Variants in C5AR1 observed in about 807,000 individuals in gnomAD.
C5AR1 encodes the protein C5a anaphylatoxin chemotactic receptor 1.
A neutral mutation model predicts 2.4 loss-of-function variants in C5AR1; 4 were observed. That is an observed-to-expected ratio of 1.65 (90% CI 0.81 to 3.77). The LOEUF is 3.77. Ranked by LOEUF, C5AR1 falls within the 30% of genes most tolerant of loss-of-function variation. The probability of loss-of-function intolerance (pLI) is 0.01; values close to 1 mark genes in which losing one functional copy is unlikely to be tolerated. For missense variants in C5AR1, 418 were observed against 462.5 expected, an observed-to-expected ratio of 0.90 and a Z score of 0.88; for synonymous variants, 209 against 210.4, an observed-to-expected ratio of 0.99 and a Z score of 0.06.
chr19:47,308,265 G>A (rs1311816818), upstream of C5AR1, among the ~76,000 whole-genome samples: 1 of 149,964 alleles, frequency 6.7e-6, no homozygotes, highest in Admixed American at 6.7e-5. Context: ...AACAGCGCAT[G>A]TGAGGGATCT....
chr19:47,316,223 G>T (rs966304219), intron 1 of C5AR1, among the ~76,000 whole-genome samples: 1 of 152,000 alleles, frequency 6.6e-6, no homozygotes, highest in African/African-American at 2.4e-5. Flanking sequence ...GGCCAGGCTG[G>T]TCTTGATCTT....
At chr19:47,315,378 CT>C (rs2059283653) in intron 1 of C5AR1, among the ~76,000 whole-genome samples, 2 of 152,244 alleles carry the variant, frequency 1.3e-5, no homozygotes, top group African/African-American at 2.4e-5. Flanking sequence ...CGTATTTTTT[CT>C]GCCTTTCTGA....
intron 1 of C5AR1, among the ~76,000 whole-genome samples, chr19:47,314,270 G>T (rs1196555888): frequency 6.6e-6 from 1 of 152,230 alleles, no homozygotes; most frequent in Non-Finnish European, 1.5e-5. Context: ...CACCTGGGAA[G>T]CACATGGAAT....
intron 1 of C5AR1, among the ~76,000 whole-genome samples, chr19:47,319,095 A>G (rs1284798034): frequency 6.6e-6 from 1 of 151,152 alleles, no homozygotes; most frequent in Non-Finnish European, 1.5e-5. Context: ...TACATTGGTC[A>G]GGCTGATCTT....
intron 1 of C5AR1, among the ~76,000 whole-genome samples, chr19:47,319,517 CA>C (rs2059301053): frequency 6.6e-6 from 1 of 151,166 alleles, no homozygotes; most frequent in African/African-American, 2.4e-5. Flanking sequence ...CCATGTTGCC[CA>C]GGCTATTCTC....
At chr19:47,310,073 C>G (rs990195610) in intron 1 of C5AR1, among the ~76,000 whole-genome samples, 175 bp downstream of exon 1, 2 of 152,154 alleles carry the variant, frequency 1.3e-5, no homozygotes, top group African/African-American at 4.8e-5. Flanking sequence ...ATCCCAGGCT[C>G]TCACACTCCA....
chr19:47,315,341 C>A (rs778186758), intron 1 of C5AR1, among the ~76,000 whole-genome samples: 5 of 152,128 alleles, frequency 3.3e-5, no homozygotes, highest in Non-Finnish European at 7.3e-5. Flanking sequence ...TCTGAAGATC[C>A]CGGAAACCAC....
chr19:47,320,258 T>C lies in C5AR1; in HGVS notation c.481T>C (p.Trp161Arg). 2.5e-6 allele frequency: 4 copies of C among 1,613,802 alleles called. No individual in the cohort carries two copies. The highest frequency in any genetic ancestry group is 3.4e-6 in the Non-Finnish European group (4 of 1,180,002). The change falls in exon 2 of 2, where the codon TGG becomes CGG. Residue 161 changes from tryptophan to arginine, a missense_variant. By Grantham distance (101) the Trp-to-Arg change is moderately radical (BLOSUM62 -3). Coordinates refer to ENST00000355085, the MANE Select transcript of C5AR1 (RefSeq NM_001736.4). This position sits in a 1 kb window ranked among gnomAD's most constrained non-coding sequence, Gnocchi z 4.9. ...GLAWIACAVA[W>R]GLALLLTIPS... Reference sequence around the variant, plus strand: ...GGCCTGGATCGCCTGTGCCGTGGCTTGGGGTTTAGCCCTGCTGCTGACCAT... The same window carrying C: ...GGCCTGGATCGCCTGTGCCGTGGCTCGGGGTTTAGCCCTGCTGCTGACCAT...
Position 47,320,666 on chromosome 19 carries a change from C to G in C5AR1, c.889C>G (p.Pro297Ala). 3 of 1,614,156 alleles carry G rather than the reference C, an allele frequency of 1.9e-6. No individual in the cohort carries two copies. The highest frequency in any genetic ancestry group is 1.1e-5 in the South Asian group (1 of 91,084). ...TGCCTACATCAACTGCTGCATCAAC[C>G]CCATCATCTACGTGGTGGCCGGCCA... Reference protein sequence around the residue: ...SFAYINCCINPIIYVVAGQGF... With the variant: ...SFAYINCCINAIIYVVAGQGF... The change falls in exon 2 of 2, where the codon CCC (proline) becomes GCC (alanine). Residue 297 changes from proline to alanine, a missense_variant. Pro to Ala is a conservative substitution (Grantham distance 27, BLOSUM62 -1). Transcript: ENST00000355085. This position sits in a 1 kb window ranked among gnomAD's most constrained non-coding sequence, Gnocchi z 4.9.
chr19:47,317,844 G>T (rs1333906267), intron 1 of C5AR1, among the ~76,000 whole-genome samples: 1 of 151,812 alleles, frequency 6.6e-6, no homozygotes, highest in Non-Finnish European at 1.5e-5. Flanking sequence ...AGCAGGGTGT[G>T]GTGGCAGGTG....
intron 1 of C5AR1, among the ~76,000 whole-genome samples, chr19:47,312,946 T>C (rs1273977231): frequency 2.0e-5 from 3 of 152,140 alleles, no homozygotes; most frequent in Non-Finnish European, 4.4e-5. Context: ...TCCCCTTCAA[T>C]GGAAATTTAG....
At chr19:47,309,803 A>G, upstream of C5AR1, 1 of 1,397,468 alleles carries the variant, frequency 7.2e-7, no homozygotes, top group East Asian at 2.4e-5. Flanking sequence ...AAAGACGGTC[A>G]TTTCCTCCCT....
At chr19:47,311,721 C>T (rs757321520) in intron 1 of C5AR1, among the ~76,000 whole-genome samples, 1 of 152,088 alleles carries the variant, frequency 6.6e-6, no homozygotes, top group East Asian at 2.0e-4. Context: ...TGCGCCACCA[C>T]GCCTGGCTAA....
chr19:47,309,169 G>A (rs551175958), upstream of C5AR1, among the ~76,000 whole-genome samples: 25 of 152,272 alleles, frequency 1.6e-4, no homozygotes, highest in African/African-American at 5.8e-4. Flanking sequence ...GCCTGGCCGG[G>A]AGGCTGAGTG....
rs534900562 is a variant in C5AR1, at chr19:47,314,974, G to A, written c.4-4807G>A. Among the ~76,000 whole-genome samples the A allele has an allele frequency of 2.6e-5, 4 of 151,942 alleles. No individual in the cohort carries two copies. The South Asian group carries it at 6.3e-4, about 24-fold the overall frequency. On this transcript the variant is annotated intron_variant, in intron 1 of 1. Transcript: ENST00000355085. ...CTCCCAAAGTGCTGGGATTACAGGCGTGAGCCACCACGCCTGGCCTCACCC... is the reference window on the plus strand; with the variant it reads ...CTCCCAAAGTGCTGGGATTACAGGCATGAGCCACCACGCCTGGCCTCACCC...
In C5AR1 at chr19:47,320,753, G is replaced by A. The variant is rs541785270; in HGVS notation, c.976G>A (p.Glu326Lys). 1 of 1,614,132 alleles carries A rather than the reference G, an allele frequency of 6.2e-7. No individual in the cohort carries two copies. The highest frequency in any genetic ancestry group is 1.1e-5 in the South Asian group (1 of 91,082). Residue 326 changes from glutamate (E) to lysine (K), a missense_variant, in exon 2 of 2, where the codon GAG becomes AAG. Physicochemically the swap from Glu to Lys is moderately conservative, Grantham distance 56. Coordinates refer to ENST00000355085, the MANE Select transcript of C5AR1 (RefSeq NM_001736.4). The surrounding 1 kb of genome is among the most constrained non-coding windows in gnomAD (Gnocchi z 4.9). Reference protein sequence around the residue: ...PSLLRNVLTEESVVRESKSFT... With the variant: ...PSLLRNVLTEKSVVRESKSFT... ...CCTCCTCCGGAACGTGTTGACTGAA[G>A]AGTCCGTGGTTAGGGAGAGCAAGTC... is the stretch of plus-strand genomic sequence containing the variant.
chr19:47,310,969 G>T (rs1407360427), intron 1 of C5AR1, among the ~76,000 whole-genome samples: 3 of 152,180 alleles, frequency 2.0e-5, no homozygotes, highest in African/African-American at 7.2e-5. Flanking sequence ...CCTGCGTCTG[G>T]AGGCCTGGGC....
At position 47,321,938 on chromosome 19, in the gene C5AR1, C is replaced by T. The variant is rs1182737298; in HGVS notation, c.*1108C>T. On this transcript the variant is annotated 3_prime_UTR_variant, in exon 2 of 2. Transcript: ENST00000355085. ...CTAACCCCTGGCAACCAGGAATCCA[C>T]TCTCCATTTCTATAATGTTGTCATT... 5.3e-5 allele frequency: 8 copies of T among 151,884 alleles called. No homozygotes were observed. The highest frequency in any genetic ancestry group is 1.5e-5 in the Non-Finnish European group (1 of 68,032). The allele number at this position is 151,884 out of a possible 1,614,324, so 9.4% of individuals were successfully genotyped here.
chr19:47,319,741 C>A, intron 1 of C5AR1, 40 bp from the exon 2 acceptor site: 1 of 1,358,740 alleles, frequency 7.4e-7, no homozygotes, highest in Non-Finnish European at 1.0e-6. Flanking sequence ...GGGCACATGT[C>A]TGCAGACTCA....
Sources: allele counts gnomAD v4.1 joint callset (sites outside exome capture counted in the v4.1 genomes callset), GRCh38; gene constraint gnomAD v4.1.1; non-coding constraint Gnocchi (gnomAD v3.1); transcripts MANE v1.5; gene names NCBI Gene and HGNC (gene_info 2026-07-23, HGNC 2026-07-21).